Variants in FUNDC1 observed in about 807,000 individuals in gnomAD.
The protein encoded by FUNDC1 is FUN14 domain containing 1.
A neutral mutation model predicts 14.5 loss-of-function variants in FUNDC1; 10 were observed. The ratio of observed to expected loss-of-function variants is 0.69; its 90% CI spans 0.43 to 1.17. The LOEUF (loss-of-function observed/expected upper bound fraction) is 1.17. Ranked by LOEUF, FUNDC1 falls within the 50% of genes most tolerant of loss-of-function variation. The pLI is 0.00. For missense variants in FUNDC1, 115 were observed against 113.8 expected, an observed-to-expected ratio of 1.01 and a Z score of -0.05; for synonymous variants, 33 against 39.7, an observed-to-expected ratio of 0.83 and a Z score of 0.64.
chrX:44,532,790 G>A (rs1478011672), intron 3 of FUNDC1, among the ~76,000 whole-genome samples: 4 of 110,772 alleles, frequency 3.6e-5, no homozygotes, highest in East Asian at 5.7e-4. Context: ...GACCTCAGGC[G>A]ATCCGCCCGC....
intron 4 of FUNDC1, among the ~76,000 whole-genome samples, chrX:44,526,564 G>T: frequency 9.0e-6 from 1 of 110,703 alleles, no homozygotes; most frequent in Non-Finnish European, 1.9e-5. Flanking sequence ...ATTTAGGGAT[G>T]AAAAGTTATG....
intron 4 of FUNDC1, among the ~76,000 whole-genome samples, chrX:44,526,488 G>GGT (rs960030920): frequency 1.7e-5 from 1 of 58,470 alleles, no homozygotes; most frequent in Non-Finnish European, 4.4e-5. Flanking sequence ...AAATAAAAAA[G>GGT]GGGGGGGGGC....
At chrX:44,528,897 G>A (rs1249157456) in intron 3 of FUNDC1, among the ~76,000 whole-genome samples, 5 of 110,306 alleles carry the variant, frequency 4.5e-5, no homozygotes, top group South Asian at 3.9e-4. Context: ...GGGTTTCACC[G>A]TGTTAGCCAG....
intron 3 of FUNDC1, 26 bp from the exon 4 acceptor site, chrX:44,527,391 C>A (rs2038906860): frequency 1.0e-5 from 11 of 1,097,224 alleles, no homozygotes; most frequent in African/African-American, 3.7e-5. Flanking sequence ...TAAAAATTAT[C>A]AATACTATAC....
At chrX:44,537,056 TCTA>T (rs1016516883) in intron 3 of FUNDC1, among the ~76,000 whole-genome samples, 4 of 112,172 alleles carry the variant, frequency 3.6e-5, no homozygotes, top group African/African-American at 1.3e-4. Context: ...TCACTTTCCT[TCTA>T]CTGAGTTTTC....
chrX:44,528,435 A>G (rs569853247), intron 3 of FUNDC1, among the ~76,000 whole-genome samples: 2 of 112,078 alleles, frequency 1.8e-5, no homozygotes, highest in South Asian at 7.4e-4. Flanking sequence ...TGGCAAGTGA[A>G]GGCTTTTTCT....
At position 44,527,365 on chromosome X, in the gene FUNDC1, T is replaced by C. The variant is rs1459932163; in HGVS notation, c.262A>G (p.Ile88Val). 1 of 1,169,660 alleles carries C rather than the reference T, an allele frequency of 8.5e-7. No individual in the cohort carries two copies. Among genetic ancestry groups the C allele is most frequent in the Admixed American group, 2.4e-5 (1 of 41,986 alleles). The change falls in exon 4 of 5, where the codon ATT (isoleucine) becomes GTT (valine). Residue 88 changes from isoleucine (I) to valine (V), a missense_variant and splice_region_variant. By Grantham distance (29) the Ile-to-Val change is conservative (BLOSUM62 3). Transcript: ENST00000378045. ...TGCACATAGCCACTATGACTAGCAA[T>C]CTGCAAAAAATATAATAAAAATTAT... ...AVGGGFLLLQ[I>V]ASHSGYVQID...
intron 3 of FUNDC1, among the ~76,000 whole-genome samples, chrX:44,532,096 C>T (rs1181565557): frequency 9.0e-6 from 1 of 110,635 alleles, no homozygotes; most frequent in Non-Finnish European, 1.9e-5. Context: ...GACTCCCTTC[C>T]AAAGAGTACA....
chrX:44,524,823 A>T (rs1200786061), intron 4 of FUNDC1, among the ~76,000 whole-genome samples: 1 of 111,383 alleles, frequency 9.0e-6, no homozygotes, highest in Non-Finnish European at 1.9e-5. Flanking sequence ...GGCTATTGAG[A>T]TAATAAGTAT....
chrX:44,531,449 T>C (rs947113765), intron 3 of FUNDC1, among the ~76,000 whole-genome samples: 7 of 107,879 alleles, frequency 6.5e-5, no homozygotes, highest in African/African-American at 2.4e-4. Context: ...AACTTCACCA[T>C]ATGCTGATCT....
chrX:44,541,099 A>C (rs1028649182), intron 2 of FUNDC1, among the ~76,000 whole-genome samples: 1 of 112,651 alleles, frequency 8.9e-6, no homozygotes, highest in African/African-American at 3.2e-5. Flanking sequence ...AAACAGGTAA[A>C]TATTTCAATT....
chrX:44,541,056 A>G (rs900040294), intron 2 of FUNDC1, among the ~76,000 whole-genome samples: 3 of 112,576 alleles, frequency 2.7e-5, no homozygotes, highest in Non-Finnish European at 3.7e-5. Context: ...TAAAACACAA[A>G]TCAAAAAACT....
chrX:44,529,889 G>A (rs932628636), intron 3 of FUNDC1, among the ~76,000 whole-genome samples: 6 of 112,355 alleles, frequency 5.3e-5, no homozygotes, highest in African/African-American at 1.9e-4. Flanking sequence ...ATGTTGCCCA[G>A]GCTGGTCTTG....
At chrX:44,529,089 AAAAAGCTAAT>A (rs2038913045) in intron 3 of FUNDC1, among the ~76,000 whole-genome samples, 1 of 111,740 alleles carries the variant, frequency 8.9e-6, no homozygotes, top group South Asian at 3.7e-4. Flanking sequence ...AGTTTTTTTT[AAAAAGCTAAT>A]CTTCATGCCA....
rs142122187 is a variant in FUNDC1, at chrX:44,529,164, C to T, written c.262-1799G>A. ...ACAAAAAACAAACCTTAACTATATT[C>T]CCTGGGTGAGACCCCTTATCCACCC... On this transcript the variant is annotated intron_variant, in intron 3 of 4. Transcript: ENST00000378045. 9.9e-4 allele frequency among the ~76,000 whole-genome samples: 110 copies of T among 110,823 alleles called. 1 individual carries two copies. In the East Asian group the frequency reaches 0.028, roughly 28 times the overall value.
chrX:44,540,127 A>G (rs1382126254), intron 2 of FUNDC1, among the ~76,000 whole-genome samples: 1 of 110,863 alleles, frequency 9.0e-6, no homozygotes, highest in Admixed American at 9.7e-5. Flanking sequence ...TAATAGTTTT[A>G]ATTTTTTGTC....
At chrX:44,527,390 T>C (rs376397743) in intron 3 of FUNDC1, 25 bp from the exon 4 acceptor site, 75 of 1,122,274 alleles carry the variant, frequency 6.7e-5, no homozygotes, top group Non-Finnish European at 8.2e-5. Context: ...ATAAAAATTA[T>C]CAATACTATA....
At chrX:44,535,085 G>A (rs1569188911) in intron 3 of FUNDC1, among the ~76,000 whole-genome samples, 1 of 111,419 alleles carries the variant, frequency 9.0e-6, no homozygotes, top group Non-Finnish European at 1.9e-5. Flanking sequence ...GGCAGAGTTT[G>A]TAGTGAGTGA....
At chrX:44,529,407 C>G (rs891324823) in intron 3 of FUNDC1, among the ~76,000 whole-genome samples, 4 of 110,954 alleles carry the variant, frequency 3.6e-5, no homozygotes, top group Non-Finnish European at 7.5e-5. Context: ...AATGAAAAAC[C>G]TTGAGATGCT....
Sources: allele counts gnomAD v4.1 joint callset (sites outside exome capture counted in the v4.1 genomes callset), GRCh38; gene constraint gnomAD v4.1.1; transcripts MANE v1.5; gene names NCBI Gene and HGNC (gene_info 2026-07-23, HGNC 2026-07-21).